ZNF462: variants seen among roughly 807,000 people sequenced by gnomAD.
The protein encoded by ZNF462 is zinc finger PBX1-interacting protein.
A neutral mutation model predicts 201.9 loss-of-function variants in ZNF462; 10 were observed. That is an observed-to-expected ratio of 0.05 (90% CI 0.03 to 0.08). The LOEUF is 0.08. ZNF462 is among the 10% of genes least tolerant of loss of function. The pLI, the probability that ZNF462 is intolerant of heterozygous loss-of-function variation, is 1.00. For synonymous variants in ZNF462, 1,227 were observed against 1,193.3 expected (o/e 1.03, Z -0.58); for missense variants, 2,523 against 3,168.3 (o/e 0.80, Z 4.89).
chr9:106,976,020 A>G (rs932943665), intron 9 of ZNF462: 1 of 152,366 alleles, frequency 6.6e-6, no homozygotes, highest in African/African-American at 2.4e-5. Flanking sequence ...GAGACAAACT[A>G]TTTTTAAAAT....
chr9:106,927,349 A>G lies in ZNF462; in HGVS notation c.3437A>G (p.Tyr1146Cys). The change falls in exon 3 of 13, where the codon TAT (tyrosine) becomes TGT (cysteine). Residue 1146 changes from tyrosine (Y) to cysteine (C), a missense_variant. By Grantham distance (194) the Tyr-to-Cys change is radical. Around this residue, in one of 15 missense-constraint regions of ZNF462, gnomAD observed 222 missense variants for 271.6 expected, o/e 0.82. Coordinates refer to ENST00000277225, the MANE Select transcript of ZNF462 (RefSeq NM_021224.6). ...RHPEIKVTAK[Y>C]IRQAPPTAAM... ...CCAGAAATAAAGGTTACTGCCAAAT[A>G]TATCAGACAGGCTCCTCCCACAGCT... The G allele has an allele frequency of 1.2e-6, 2 of 1,614,034 alleles. No homozygotes were observed. The highest frequency in any genetic ancestry group is 1.7e-6 in the Non-Finnish European group (2 of 1,180,008).
intron 10 of ZNF462, among the ~76,000 whole-genome samples, chr9:106,997,121 C>T (rs1280045931): frequency 2.0e-5 from 3 of 151,748 alleles, no homozygotes; most frequent in Non-Finnish European, 2.9e-5. Flanking sequence ...CCCCCCCCAG[C>T]TTTATTGAGG....
Position 106,970,851 on chromosome 9 carries a change from C to G in ZNF462, c.6428-1154C>G, listed in dbSNP as rs1426070834. Among the ~76,000 whole-genome samples the G allele has an allele frequency of 1.3e-5, 2 of 149,732 alleles. No individual in the cohort carries two copies. The highest frequency in any genetic ancestry group is 4.9e-5 in the African/African-American group (2 of 40,558). ...TTTTTTCTCTTCTTTTTTTTTAATT[C>G]AAAGAAGAAACGCTGAGATTTCCCC... On this transcript the variant is annotated intron_variant, in intron 7 of 12. Transcript: ENST00000277225. The surrounding 1 kb of genome is among the most constrained non-coding windows in gnomAD (Gnocchi z 4.2).
rs1190494007 is a variant in ZNF462, at chr9:106,913,750, A to G, written c.-30-9604A>G. ...GTAGCTGGGATTACAGGCACCTGCC[A>G]CCAAGCCCGGCTAATTTTTGTGTGT... On this transcript the variant is annotated intron_variant, in intron 1 of 12. Coordinates refer to ENST00000277225, the MANE Select transcript of ZNF462 (RefSeq NM_021224.6). This position sits in a 1 kb window ranked among gnomAD's most constrained non-coding sequence, Gnocchi z 4.1. Among the ~76,000 whole-genome samples the G allele has an allele frequency of 1.3e-5, 2 of 150,406 alleles. No homozygotes were observed. Among genetic ancestry groups the G allele is most frequent in the African/African-American group, 4.8e-5 (2 of 41,272 alleles).
intron 10 of ZNF462, among the ~76,000 whole-genome samples, chr9:107,002,262 C>G (rs1430519290): frequency 6.6e-6 from 1 of 152,190 alleles, no homozygotes; most frequent in Non-Finnish European, 1.5e-5. Flanking sequence ...CTTCCCTCTT[C>G]AACTCAACTG....
chr9:106,886,138 C>G lies in ZNF462; in HGVS notation c.-31+22783C>G, dbSNP rs1200337467. On this transcript the variant is annotated intron_variant, in intron 1 of 12. Transcript: ENST00000277225. The surrounding 1 kb of genome is among the most constrained non-coding windows in gnomAD (Gnocchi z 4.6). ...AAGAAGTGGGTTTGTTGGCCTTAGC[C>G]TGATAGGTGGTAGCCACATAATGAC... Among the ~76,000 whole-genome samples, 1 of 152,094 alleles carries G rather than the reference C, an allele frequency of 6.6e-6. No homozygotes were observed. The highest frequency in any genetic ancestry group is 1.5e-5 in the Non-Finnish European group (1 of 68,024).
rs372245580 is a variant in ZNF462 at position 106,972,399 on chromosome 9, G to C, written c.6695+127G>C. 2.9e-6 allele frequency: 4 copies of C among 1,366,326 alleles called. No homozygotes were observed. The East Asian group carries it at 7.1e-5, about 24-fold the overall frequency. The allele number at this position is 1,366,326 out of a possible 1,614,324, so 84.6% of individuals were successfully genotyped here. A position where few individuals can be genotyped will look rare whatever the true frequency, so the allele number is the denominator to read the frequency against. ...GGCCCTGCCCATGTGATGATGTAGG[G>C]GTTGGGTCCAGGCTTCATGGAAGGA... is the stretch of plus-strand genomic sequence containing the variant. On this transcript the variant is annotated intron_variant, in intron 8 of 12. Transcript: ENST00000277225. This position sits in a 1 kb window ranked among gnomAD's most constrained non-coding sequence, Gnocchi z 4.8.
At chr9:106,939,680 A>C (rs1321721000) in intron 7 of ZNF462, among the ~76,000 whole-genome samples, 3 of 152,184 alleles carry the variant, frequency 2.0e-5, no homozygotes, top group South Asian at 2.1e-4. Context: ...TTGGAGTTTC[A>C]GAAGAAATAC....
At chr9:106,952,972 C>T (rs1831417572) in intron 7 of ZNF462, among the ~76,000 whole-genome samples, 1 of 152,086 alleles carries the variant, frequency 6.6e-6, no homozygotes, top group African/African-American at 2.4e-5. Flanking sequence ...CCACTGCTTC[C>T]CTAAGCCTCA....
chr9:106,986,092 G>A (rs7031901), intron 10 of ZNF462, among the ~76,000 whole-genome samples: 19,940 of 152,066 alleles, frequency 0.13, 3,552 homozygotes, highest in African/African-American at 0.4. Flanking sequence ...TTAAGCCTCC[G>A]GGCTGATATT....
intron 10 of ZNF462, among the ~76,000 whole-genome samples, chr9:107,002,879 G>A (rs903663885): frequency 1.3e-5 from 2 of 152,120 alleles, no homozygotes; most frequent in African/African-American, 2.4e-5. Context: ...GCTAGTGGTC[G>A]GCATGCTTGC....
At chr9:106,996,748 T>C (rs1828763957) in intron 10 of ZNF462, among the ~76,000 whole-genome samples, 2 of 152,166 alleles carry the variant, frequency 1.3e-5, no homozygotes, top group African/African-American at 4.8e-5. Flanking sequence ...GTAAAAATTT[T>C]CTCCTGTTCT....
At chr9:106,892,341 A>T (rs1828616146) in intron 1 of ZNF462, among the ~76,000 whole-genome samples, 1 of 152,234 alleles carries the variant, frequency 6.6e-6, no homozygotes. Context: ...CATATCATGC[A>T]GGCTTTATTT....
In ZNF462 at chr9:107,003,386, G is replaced by A. The variant is rs764048214; in HGVS notation, c.7149G>A (p.Glu2383=). Residue 2383 remains glutamate (E), a synonymous_variant, in exon 11 of 13, where the codon GAG becomes GAA. Transcript: ENST00000277225. This position sits in a 1 kb window ranked among gnomAD's most constrained non-coding sequence, Gnocchi z 4.4. ...EKMESSSSDD[E]DKEEEMNSKA... is the part of the protein sequence containing the mutation. ...TGGAGAGCTCCAGCAGCGATGATGA[G>A]GACAAGGAAGAAGAAATGAACAGCA... The A allele has an allele frequency of 3.6e-5, 58 of 1,613,716 alleles. No homozygotes were observed. The highest frequency in any genetic ancestry group is 4.7e-5 in the Non-Finnish European group (56 of 1,179,842).
At chr9:106,863,856 G>A (rs972037751) in intron 1 of ZNF462, among the ~76,000 whole-genome samples, 8 of 151,750 alleles carry the variant, frequency 5.3e-5, no homozygotes, top group African/African-American at 1.9e-4. Flanking sequence ...GACCTGAGCC[G>A]AGAGCCAGAG....
chr9:106,893,003 T>C (rs1828655848), intron 1 of ZNF462, among the ~76,000 whole-genome samples: 1 of 152,242 alleles, frequency 6.6e-6, no homozygotes, highest in Admixed American at 6.5e-5. Context: ...AGCCCCCTTC[T>C]ATATCTCAGA....
rs1829100992 is a variant in ZNF462, at chr9:106,902,423, T to A, written c.-30-20931T>A. On this transcript the variant is annotated intron_variant, in intron 1 of 12. Coordinates refer to ENST00000277225, the MANE Select transcript of ZNF462 (RefSeq NM_021224.6). This position sits in a 1 kb window ranked among gnomAD's most constrained non-coding sequence, Gnocchi z 4.2. ...TTTCCTGGTTTTGGTATTAGAGTGC[T>A]GCTGGATTCATAGAATGAATTAGGG... Among the ~76,000 whole-genome samples the A allele has an allele frequency of 6.6e-6, 1 of 152,184 alleles. No homozygotes were observed. The highest frequency in any genetic ancestry group is 1.5e-5 in the Non-Finnish European group (1 of 68,032).
intron 1 of ZNF462, among the ~76,000 whole-genome samples, chr9:106,891,775 T>TC (rs1303060928): frequency 6.6e-6 from 1 of 152,068 alleles, no homozygotes; most frequent in Non-Finnish European, 1.5e-5. Flanking sequence ...GGCTTTTTGT[T>TC]CCCCCCTCTG....
chr9:106,972,304 A>G lies in ZNF462; in HGVS notation c.6695+32A>G, dbSNP rs1168329317. 6.3e-7 allele frequency: 1 copy of G among 1,595,038 alleles called. No homozygotes were observed. The highest frequency in any genetic ancestry group is 8.6e-7 in the Non-Finnish European group (1 of 1,169,400). On this transcript the variant is annotated intron_variant, in intron 8 of 12. Transcript: ENST00000277225. The surrounding 1 kb of genome is among the most constrained non-coding windows in gnomAD (Gnocchi z 4.8). ...GACGTAATGAACAGCTATGGAAAAC[A>G]AGGCGGCCGCCCCTGCTCCACCCCT...
Sources: gnomAD v4.1 joint callset for allele counts (sites outside exome capture counted in the v4.1 genomes callset) on GRCh38, gnomAD v4.1.1 for gene constraint, gnomAD v4.1.1 regional missense constraint, Gnocchi (gnomAD v3.1) non-coding constraint, MANE v1.5 for transcripts, NCBI Gene and HGNC (gene_info 2026-07-23, HGNC 2026-07-21) for gene names.